The following LNX2 variants were observed in gnomAD, a reference collection of about 807,000 sequenced individuals.
LNX2 encodes the protein ligand of numb-protein X 2.
A neutral mutation model predicts 66.2 loss-of-function variants in LNX2; 35 were observed. That is an observed-to-expected ratio of 0.53 (90% CI 0.40 to 0.70). The LOEUF (loss-of-function observed/expected upper bound fraction) is 0.70, where lower values mean the gene tolerates loss of function less well. LNX2 is among the 30% of genes least tolerant of loss of function. The pLI is 0.00. For missense variants in LNX2, 791 were observed against 850.8 expected (o/e 0.93, Z 0.87); for synonymous variants, 337 against 315.6 (o/e 1.07, Z -0.72).
chr13:27,592,847 G>A (rs1955558432), intron 1 of LNX2, among the ~76,000 whole-genome samples: 1 of 152,206 alleles, frequency 6.6e-6, no homozygotes, highest in South Asian at 2.1e-4. Context: ...CTGTAAGCAA[G>A]TAAAATAAGA....
chr13:27,616,109 C>T (rs1333260418), intron 1 of LNX2, among the ~76,000 whole-genome samples: 1 of 122,998 alleles, frequency 8.1e-6, no homozygotes, highest in Non-Finnish European at 1.6e-5. Flanking sequence ...AGACATCAAT[C>T]AAAAAATTTT....
intron 4 of LNX2, among the ~76,000 whole-genome samples, chr13:27,563,864 G>A: frequency 6.6e-6 from 1 of 152,120 alleles, no homozygotes; most frequent in East Asian, 1.9e-4. Flanking sequence ...GTCACCAAAT[G>A]CACAGATGTC....
intron 1 of LNX2, among the ~76,000 whole-genome samples, chr13:27,589,306 T>C (rs764898456): frequency 7.9e-5 from 12 of 152,236 alleles, no homozygotes; most frequent in Admixed American, 1.3e-4. Context: ...CACATAAATT[T>C]TATTCTATAA....
In LNX2 at chr13:27,587,990, C is replaced by T. The variant is rs200982225; in HGVS notation, c.-100-6187G>A. The stretch of plus-strand genomic sequence containing the variant: ...AAGCCGAGATGGCGCCACTTCACTC[C>T]AGTCTGGGCAAGAGTGCGAGACTCT... On this transcript the variant is annotated intron_variant, in intron 1 of 9. Transcript: ENST00000316334. Among the ~76,000 whole-genome samples, 4 of 136,468 alleles carry T rather than the reference C, an allele frequency of 2.9e-5. No homozygotes were observed. The East Asian group carries it at 8.8e-4, about 30-fold the overall frequency. 89.5% of individuals were successfully genotyped at this position (136,468 alleles called of 152,430 possible).
At position 27,581,513 on chromosome 13, in the gene LNX2, G is replaced by C; in HGVS notation, c.191C>G (p.Pro64Arg). The C allele has an allele frequency of 6.2e-7, 1 of 1,614,058 alleles. No individual in the cohort carries two copies. Among genetic ancestry groups the C allele is most frequent in the Non-Finnish European group, 8.5e-7 (1 of 1,179,950 alleles). Reference sequence around the variant, plus strand: ...CTTGTAGCAGAATGTATGTCCACAGGGTGTGTCTAGTGGCTGCAGCAGAGG... The same window carrying C: ...CTTGTAGCAGAATGTATGTCCACAGCGTGTGTCTAGTGGCTGCAGCAGAGG... ...LQPLLQPLDT[P>R]CGHTFCYKCL... Residue 64 changes from proline (P) to arginine (R), a missense_variant, in exon 2 of 10, where the codon CCC becomes CGC. Coordinates refer to ENST00000316334, the MANE Select transcript of LNX2 (RefSeq NM_153371.4).
At chr13:27,549,939 A>G (rs1315621783) in intron 9 of LNX2, among the ~76,000 whole-genome samples, 6 of 152,218 alleles carry the variant, frequency 3.9e-5, no homozygotes, top group Admixed American at 2.6e-4. Flanking sequence ...TCAGCGCTCA[A>G]TGTCACATCA....
chr13:27,582,379 C>A (rs1295761439), intron 1 of LNX2, among the ~76,000 whole-genome samples: 1 of 152,064 alleles, frequency 6.6e-6, no homozygotes, highest in Non-Finnish European at 1.5e-5. Flanking sequence ...GGTAAAGACA[C>A]CATAGATTAT....
chr13:27,607,042 C>A (rs1420420785), intron 1 of LNX2, among the ~76,000 whole-genome samples: 3 of 152,134 alleles, frequency 2.0e-5, no homozygotes, highest in Non-Finnish European at 2.9e-5. Context: ...TTAATTATCA[C>A]ATTTATCTGC....
chr13:27,612,039 A>G (rs1210420683), intron 1 of LNX2, among the ~76,000 whole-genome samples: 1 of 152,250 alleles, frequency 6.6e-6, no homozygotes, highest in Admixed American at 6.5e-5. Flanking sequence ...ACATTTGGAA[A>G]AACAGATCTG....
In LNX2 at chr13:27,616,396, G is replaced by A. The variant is rs373865161; in HGVS notation, c.-101+3979C>T. Among the ~76,000 whole-genome samples, 161 of 152,104 alleles carry A rather than the reference G, an allele frequency of 1.1e-3. 5 individuals are homozygous for A. The South Asian group carries it at 0.03, about 29-fold the overall frequency. ...AGGTGGTAGTAAAACGTTTCTTATC[G>A]GACTTAAAGTCTATGTTAATGTTAA... On this transcript the variant is annotated intron_variant, in intron 1 of 9. Transcript: ENST00000316334.
At chr13:27,603,939 A>G in intron 1 of LNX2, among the ~76,000 whole-genome samples, 1 of 150,620 alleles carries the variant, frequency 6.6e-6, no homozygotes, top group East Asian at 1.9e-4. Flanking sequence ...TGTTTTTCTG[A>G]AATGTTTTCC....
chr13:27,568,093 C>T (rs1429809326), intron 3 of LNX2, among the ~76,000 whole-genome samples: 1 of 152,030 alleles, frequency 6.6e-6, no homozygotes, highest in Non-Finnish European at 1.5e-5. Context: ...ACACAGTGAT[C>T]TGATTAAGAA....
chr13:27,620,601 G>A (rs1037434907), upstream of LNX2: 2 of 155,700 alleles, frequency 1.3e-5, no homozygotes, highest in Non-Finnish European at 1.4e-5. Context: ...GCAGCGCCAA[G>A]GCCGAGCGGC....
intron 5 of LNX2, among the ~76,000 whole-genome samples, chr13:27,561,816 T>C (rs1362021422): frequency 6.6e-6 from 1 of 152,250 alleles, no homozygotes; most frequent in Non-Finnish European, 1.5e-5. Flanking sequence ...TGTATAGATC[T>C]CCTCTGGATG....
chr13:27,578,707 A>G (rs1362923923), intron 2 of LNX2, among the ~76,000 whole-genome samples: 4 of 152,186 alleles, frequency 2.6e-5, no homozygotes, highest in Non-Finnish European at 4.4e-5. Flanking sequence ...CCAGCTGACA[A>G]GTCCCACGCA....
At chr13:27,585,128 GAA>G (rs1353492100) in intron 1 of LNX2, among the ~76,000 whole-genome samples, 3 of 78,352 alleles carry the variant, frequency 3.8e-5, no homozygotes, top group African/African-American at 4.8e-5. Flanking sequence ...CTCAGAAAAA[GAA>G]AAAAAAAAAA....
At chr13:27,612,581 C>T (rs994799512) in intron 1 of LNX2, among the ~76,000 whole-genome samples, 9 of 152,294 alleles carry the variant, frequency 5.9e-5, no homozygotes, top group Middle Eastern at 3.4e-3. Flanking sequence ...GTTTAAAAAA[C>T]GAAAAGAAAC....
At chr13:27,590,038 C>T (rs997644966) in intron 1 of LNX2, among the ~76,000 whole-genome samples, 3 of 151,920 alleles carry the variant, frequency 2.0e-5, no homozygotes, top group African/African-American at 4.8e-5. Flanking sequence ...CAAGCTCCGC[C>T]TCCCGGGTTC....
chr13:27,618,233 G>A (rs568860591), intron 1 of LNX2, among the ~76,000 whole-genome samples: 4 of 152,088 alleles, frequency 2.6e-5, no homozygotes, highest in Admixed American at 6.5e-5. Flanking sequence ...TAAACACCAC[G>A]TCATTTCTCC....
Sources: gnomAD v4.1 joint callset for allele counts (sites outside exome capture counted in the v4.1 genomes callset) on GRCh38, gnomAD v4.1.1 for gene constraint, MANE v1.5 for transcripts, NCBI Gene and HGNC (gene_info 2026-07-23, HGNC 2026-07-21) for gene names.